Variants in ASTN2 observed in about 807,000 individuals in gnomAD.
The protein encoded by ASTN2 is astrotactin 2.
Under a neutral mutation model 139.8 loss-of-function variants are expected in ASTN2, and 54 were observed. The observed-to-expected ratio is 0.39, with a 90% CI of 0.31 to 0.48. The LOEUF is 0.48. ASTN2 is among the 20% of genes least tolerant of loss of function. ASTN2 has a pLI of 0.95. For synonymous variants in ASTN2, 756 were observed against 719.5 expected (o/e 1.05, Z -0.81); for missense variants, 1,565 against 1,725.1 (o/e 0.91, Z 1.64).
At chr9:116,840,525 T>A (rs1832193744) in intron 11 of ASTN2, among the ~76,000 whole-genome samples, 1 of 114,326 alleles carries the variant, frequency 8.7e-6, no homozygotes, top group African/African-American at 3.9e-5. Context: ...CCCACCTCCC[T>A]CCTGGACGGG....
At chr9:116,929,437 C>T (rs1372089172) in intron 10 of ASTN2, among the ~76,000 whole-genome samples, 1 of 152,020 alleles carries the variant, frequency 6.6e-6, no homozygotes, top group African/African-American at 2.4e-5. Context: ...AGGAAGTGAA[C>T]CCTAAGGAGA....
chr9:117,032,085 C>A (rs540652469), intron 6 of ASTN2, among the ~76,000 whole-genome samples: 2 of 151,644 alleles, frequency 1.3e-5, no homozygotes, highest in Non-Finnish European at 2.9e-5. Context: ...GTAACAGTAA[C>A]AGTAATAGGA....
rs115243878 is a variant in ASTN2 at position 116,724,616 on chromosome 9, C to T, written c.2806+1155G>A. On this transcript the variant is annotated intron_variant, in intron 16 of 22. Transcript: ENST00000313400. ...TTCTCCCCTATAGACTTAGTTTCCT[C>T]GACTGCAAAACTGGAGTGCTATGCT... Among the ~76,000 whole-genome samples, 899 of 152,312 alleles carry T rather than the reference C, an allele frequency of 5.9e-3. 12 individuals are homozygous for T. Among genetic ancestry groups the T allele is most frequent in the African/African-American group, 0.021 (866 of 41,574 alleles).
At chr9:116,958,457 C>T (rs1360009554) in intron 10 of ASTN2, among the ~76,000 whole-genome samples, 2 of 152,036 alleles carry the variant, frequency 1.3e-5, no homozygotes, top group Admixed American at 1.3e-4. Context: ...GGCGTGGCGG[C>T]GGGTGCCTGT....
chr9:116,698,551 C>G lies in ASTN2; in HGVS notation c.2806+27220G>C, dbSNP rs1861004120. ...GAGCCAGAGCTCACTGCCAGCTTGC[C>G]TCGGGAGCTCACCCTGCAAGATGTG... On this transcript the variant is annotated intron_variant, in intron 16 of 22. Transcript: ENST00000313400. This position sits in a 1 kb window ranked among gnomAD's most constrained non-coding sequence, Gnocchi z 4.4. 9.3e-6 allele frequency: 15 copies of G among 1,613,770 alleles called. No homozygotes were observed. Among genetic ancestry groups the G allele is most frequent in the Non-Finnish European group, 1.3e-5 (15 of 1,180,014 alleles).
intron 17 of ASTN2, among the ~76,000 whole-genome samples, chr9:116,637,336 T>C (rs958992212): frequency 6.6e-6 from 1 of 152,224 alleles, no homozygotes; most frequent in Non-Finnish European, 1.5e-5. Context: ...CTGAGCTTTT[T>C]CTAGTGCAAG....
At chr9:116,624,379 C>G (rs1856333583) in intron 17 of ASTN2, among the ~76,000 whole-genome samples, 1 of 152,154 alleles carries the variant, frequency 6.6e-6, no homozygotes, top group African/African-American at 2.4e-5. Context: ...AGGGAATGAA[C>G]AAGACCAAGT....
chr9:116,609,389 A>G (rs201149451), intron 19 of ASTN2, among the ~76,000 whole-genome samples: 1 of 45,686 alleles, frequency 2.2e-5, no homozygotes, highest in African/African-American at 6.6e-5. Context: ...GTATATATAT[A>G]TATATATATA....
intron 17 of ASTN2, among the ~76,000 whole-genome samples, chr9:116,644,754 T>TA (rs1169790880): frequency 2.6e-5 from 4 of 152,154 alleles, no homozygotes; most frequent in Non-Finnish European, 5.9e-5. Flanking sequence ...GTATTAAATT[T>TA]AAGGAGTAAA....
At chr9:117,358,475 G>A (rs1325873974) in intron 1 of ASTN2, among the ~76,000 whole-genome samples, 3 of 152,120 alleles carry the variant, frequency 2.0e-5, no homozygotes, top group Non-Finnish European at 4.4e-5. Context: ...ATAGCACAAT[G>A]AGAAATCCCA....
chr9:117,049,116 C>T (rs762914625), intron 5 of ASTN2, among the ~76,000 whole-genome samples: 8 of 151,876 alleles, frequency 5.3e-5, no homozygotes, highest in African/African-American at 1.7e-4. Flanking sequence ...TATAGGCATG[C>T]GCCACTGTGC....
chr9:117,274,438 T>A (rs1834137828), intron 2 of ASTN2, among the ~76,000 whole-genome samples: 1 of 152,166 alleles, frequency 6.6e-6, no homozygotes, highest in African/African-American at 2.4e-5. Flanking sequence ...GAATCTCTAA[T>A]CTGTAGGGTT....
intron 17 of ASTN2, among the ~76,000 whole-genome samples, chr9:116,639,850 G>A (rs1381507153): frequency 1.3e-5 from 2 of 152,188 alleles, no homozygotes; most frequent in African/African-American, 2.4e-5. Context: ...ATTGAAAGGA[G>A]CCAATGTATG....
chr9:117,211,439 C>T (rs894734840), intron 3 of ASTN2, among the ~76,000 whole-genome samples: 2 of 152,084 alleles, frequency 1.3e-5, no homozygotes, highest in East Asian at 1.9e-4. Flanking sequence ...TGAGTTCTCA[C>T]GAGATCTGTT....
Position 117,414,425 on chromosome 9 carries a change from C to A in ASTN2, c.442+72G>T. ...CCCCGGGCAGGGATCCCCAGGGCGC[C>A]CCCACCCGTCCGGCATGACGCAGGG... On this transcript the variant is annotated intron_variant, in intron 1 of 22. Coordinates refer to ENST00000313400, the MANE Select transcript of ASTN2 (RefSeq NM_001365068.1). This position sits in a 1 kb window ranked among gnomAD's most constrained non-coding sequence, Gnocchi z 4.2. 2 of 1,579,644 alleles carry A rather than the reference C, an allele frequency of 1.3e-6. No homozygotes were observed. Among genetic ancestry groups the A allele is most frequent in the Non-Finnish European group, 1.7e-6 (2 of 1,163,176 alleles).
intron 10 of ASTN2, among the ~76,000 whole-genome samples, chr9:116,963,433 C>A (rs931152040): frequency 6.6e-6 from 1 of 152,142 alleles, no homozygotes; most frequent in African/African-American, 2.4e-5. Context: ...TGAATGCTGG[C>A]TGAAACAGTA....
chr9:116,564,047 G>A (rs1320500215), intron 19 of ASTN2, among the ~76,000 whole-genome samples: 2 of 152,208 alleles, frequency 1.3e-5, no homozygotes, highest in Non-Finnish European at 2.9e-5. Context: ...ACTAGTTTAA[G>A]ATTGATATTT....
At chr9:117,277,784 C>T (rs577117679) in intron 2 of ASTN2, among the ~76,000 whole-genome samples, 1 of 152,298 alleles carries the variant, frequency 6.6e-6, no homozygotes, top group East Asian at 1.9e-4. Flanking sequence ...CCTAGGTGAT[C>T]TGGGTAAACT....
At position 116,768,974 on chromosome 9, in the gene ASTN2, C is replaced by T. The variant is rs1248374647; in HGVS notation, c.2397-35451G>A. Among the ~76,000 whole-genome samples, 6 of 152,092 alleles carry T rather than the reference C, an allele frequency of 3.9e-5. No individual in the cohort carries two copies. The East Asian group carries it at 9.7e-4, about 24-fold the overall frequency. On this transcript the variant is annotated intron_variant, in intron 13 of 22. Coordinates refer to ENST00000313400, the MANE Select transcript of ASTN2 (RefSeq NM_001365068.1). ...GACTCAACTGTGAGGTGTATTTGCC[C>T]ATCAAATGAAATTATTATGACCAGT...
Sources: allele counts gnomAD v4.1 joint callset (sites outside exome capture counted in the v4.1 genomes callset), GRCh38; gene constraint gnomAD v4.1.1; non-coding constraint Gnocchi (gnomAD v3.1); transcripts MANE v1.5; gene names NCBI Gene and HGNC (gene_info 2026-07-23, HGNC 2026-07-21).